SESTD1: variants seen among roughly 807,000 people sequenced by gnomAD.
The protein encoded by SESTD1 is SEC14 and spectrin domain containing 1.
Under a neutral mutation model 101.7 loss-of-function variants are expected in SESTD1, and 43 were observed. The observed-to-expected ratio is 0.42, with a 90% CI of 0.33 to 0.55. SESTD1 has a LOEUF of 0.55. Among genes scored for constraint, SESTD1 ranks in the 20% least tolerant of loss-of-function variants. SESTD1 has a pLI of 0.07. For missense variants in SESTD1, 647 were observed against 815.1 expected (o/e 0.79, Z 2.51); for synonymous variants, 283 against 286.8 (o/e 0.99, Z 0.13).
chr2:179,233,415 TGGC>T, intron 1 of SESTD1, among the ~76,000 whole-genome samples: 2 of 152,272 alleles, frequency 1.3e-5, no homozygotes, highest in South Asian at 4.1e-4. Flanking sequence ...CCGGTAATGA[TGGC>T]TGGCACAGGA....
Position 179,121,962 on chromosome 2 carries a change from C to A in SESTD1, c.1283-33G>T, listed in dbSNP as rs750258516. ...AAAAGTTACTAGATTTAATCTCTTA[C>A]ACAACTAAGGCGCTTTCCCTCCCTC... On this transcript the variant is annotated intron_variant, in intron 12 of 17. Transcript: ENST00000428443. 5.7e-6 allele frequency: 9 copies of A among 1,573,254 alleles called. No homozygotes were observed. In the African/African-American group the frequency reaches 1.2e-4, roughly 22 times the overall value.
intron 10 of SESTD1, among the ~76,000 whole-genome samples, chr2:179,124,823 T>TC (rs2044833206): frequency 6.6e-6 from 1 of 152,134 alleles, no homozygotes; most frequent in South Asian, 2.1e-4. Context: ...GATTACTGTT[T>TC]CCATGTCTGA....
Position 179,121,393 on chromosome 2 carries a change from G to T in SESTD1, c.1442+377C>A, listed in dbSNP as rs2044746815. On this transcript the variant is annotated intron_variant, in intron 13 of 17. Transcript: ENST00000428443. ...GTGACATTCTGTAAGTTTAGATGAA[G>T]AAACAGATCAATGTAGATGACAAGT... 2.0e-5 allele frequency among the ~76,000 whole-genome samples: 3 copies of T among 152,042 alleles called. No homozygotes were observed. The South Asian group carries it at 6.2e-4, about 32-fold the overall frequency.
At chr2:179,260,158 C>G (rs2047462179) in intron 1 of SESTD1, among the ~76,000 whole-genome samples, 1 of 152,158 alleles carries the variant, frequency 6.6e-6, no homozygotes, top group South Asian at 2.1e-4. Context: ...GATGCAACTA[C>G]TGAGCCTTTT....
At chr2:179,194,258 T>G (rs772267594) in intron 1 of SESTD1, among the ~76,000 whole-genome samples, 1 of 152,100 alleles carries the variant, frequency 6.6e-6, no homozygotes, top group Non-Finnish European at 1.5e-5. Context: ...GGGATTCTAC[T>G]CCCCTTCTCA....
At chr2:179,226,632 T>C (rs1367370148) in intron 1 of SESTD1, among the ~76,000 whole-genome samples, 1 of 152,216 alleles carries the variant, frequency 6.6e-6, no homozygotes, top group Non-Finnish European at 1.5e-5. Context: ...AATGTCATAT[T>C]GCTTGACTCA....
chr2:179,206,879 T>A (rs2046597713), intron 1 of SESTD1, among the ~76,000 whole-genome samples: 1 of 132,240 alleles, frequency 7.6e-6, no homozygotes, highest in Admixed American at 7.4e-5. Context: ...AAGGTGGGAG[T>A]GAGACTGGCC....
chr2:179,200,530 G>T (rs908227758), intron 1 of SESTD1, among the ~76,000 whole-genome samples: 5 of 151,982 alleles, frequency 3.3e-5, no homozygotes, highest in Admixed American at 3.3e-4. Context: ...TATACTACAA[G>T]GCTACAGTAA....
At position 179,212,650 on chromosome 2, in the gene SESTD1, T is replaced by C. The variant is rs564992942; in HGVS notation, c.-25-20784A>G. On this transcript the variant is annotated intron_variant, in intron 1 of 17. Coordinates refer to ENST00000428443, the MANE Select transcript of SESTD1 (RefSeq NM_178123.5). ...GAAGAGAACAGTTGTTCTCCCAACA[T>C]GGCGTTTGAGCTCTGAGAATGGACA... Among the ~76,000 whole-genome samples, 6 of 135,636 alleles carry C rather than the reference T, an allele frequency of 4.4e-5. 2 individuals carry two copies. The South Asian group carries it at 1.7e-3, about 38-fold the overall frequency. The allele number at this position is 135,636 out of a possible 152,430, so 89.0% of individuals were successfully genotyped here.
intron 13 of SESTD1, among the ~76,000 whole-genome samples, chr2:179,119,497 C>T (rs1482672832): frequency 6.6e-6 from 1 of 152,174 alleles, no homozygotes; most frequent in East Asian, 1.9e-4. Context: ...AAAGTGTAAT[C>T]CCAATATTGG....
chr2:179,180,890 A>G (rs1218827751), intron 3 of SESTD1, among the ~76,000 whole-genome samples: 1 of 152,188 alleles, frequency 6.6e-6, no homozygotes, highest in African/African-American at 2.4e-5. Flanking sequence ...GTTAATCCCA[A>G]AATTATGGGA....
intron 1 of SESTD1, among the ~76,000 whole-genome samples, chr2:179,232,886 G>A (rs966247140): frequency 5.3e-5 from 8 of 152,174 alleles, no homozygotes; most frequent in Non-Finnish European, 5.9e-5. Context: ...TAATCGCCTA[G>A]GAAGCAGAGG....
chr2:179,230,909 A>T (rs1472800390), intron 1 of SESTD1, among the ~76,000 whole-genome samples: 1 of 152,170 alleles, frequency 6.6e-6, no homozygotes. Context: ...GACTTTAAAA[A>T]TATGAGAAGG....
chr2:179,129,634 C>T (rs17454150), intron 10 of SESTD1, among the ~76,000 whole-genome samples: 8,716 of 152,266 alleles, frequency 0.057, 314 homozygotes, highest in South Asian at 0.11. Context: ...TTCTCAAATT[C>T]TACCGTTAAC....
intron 5 of SESTD1, among the ~76,000 whole-genome samples, chr2:179,162,739 G>A (rs963367691): frequency 2.0e-5 from 3 of 151,286 alleles, no homozygotes; most frequent in African/African-American, 7.3e-5. Context: ...TGTAATCCTA[G>A]CACTTTGGGA....
chr2:179,133,462 G>A (rs1357843305), intron 9 of SESTD1, among the ~76,000 whole-genome samples: 1 of 152,184 alleles, frequency 6.6e-6, no homozygotes, highest in African/African-American at 2.4e-5. Context: ...TGCAGAAGGA[G>A]AGGATTGTGC....
chr2:179,210,790 A>C (rs2046641092), intron 1 of SESTD1, among the ~76,000 whole-genome samples: 1 of 134,488 alleles, frequency 7.4e-6, no homozygotes. Flanking sequence ...TGGATGCCCA[A>C]TTTAACCATT....
chr2:179,199,943 G>A (rs1324241060), intron 1 of SESTD1, among the ~76,000 whole-genome samples: 1 of 151,974 alleles, frequency 6.6e-6, no homozygotes, highest in Non-Finnish European at 1.5e-5. Flanking sequence ...GGCAGGAGAA[G>A]GAAATAAAGG....
At chr2:179,153,626 C>T (rs1448111629) in intron 5 of SESTD1, among the ~76,000 whole-genome samples, 1 of 151,918 alleles carries the variant, frequency 6.6e-6, no homozygotes, top group Non-Finnish European at 1.5e-5. Flanking sequence ...TCTCTGAGTA[C>T]CATTTCTCAT....
Sources: gnomAD v4.1 joint callset for allele counts (sites outside exome capture counted in the v4.1 genomes callset) on GRCh38, gnomAD v4.1.1 for gene constraint, MANE v1.5 for transcripts, NCBI Gene and HGNC (gene_info 2026-07-23, HGNC 2026-07-21) for gene names.